The following ANKRD52 variants were observed in gnomAD, a reference collection of about 807,000 sequenced individuals.
The protein encoded by ANKRD52 is serine/threonine-protein phosphatase 6 regulatory ankyrin repeat subunit C.
A neutral mutation model predicts 116.0 loss-of-function variants in ANKRD52; 7 were observed. That is an observed-to-expected ratio of 0.06 (90% CI 0.03 to 0.11). The LOEUF (loss-of-function observed/expected upper bound fraction) is 0.11, where lower values mean the gene tolerates loss of function less well. ANKRD52 is among the 10% of genes least tolerant of loss of function. ANKRD52 has a pLI of 1.00. For synonymous variants in ANKRD52, 528 were observed against 578.1 expected (o/e 0.91, Z 1.24); for missense variants, 839 against 1,408.6 (o/e 0.60, Z 6.47).
At position 56,257,218 on chromosome 12, in the gene ANKRD52, T is replaced by C. The variant is rs1316936587; in HGVS notation, c.190+65A>G. ...AGCCGGGGAGAGCAATCCTTGAATA[T>C]CAAAAAAGACTCCTCCCCTCCCTTC... On this transcript the variant is annotated intron_variant, in intron 3 of 27. Coordinates refer to ENST00000267116, the MANE Select transcript of ANKRD52 (RefSeq NM_173595.4). 3 of 1,545,396 alleles carry C rather than the reference T, an allele frequency of 1.9e-6. No homozygotes were observed. In the East Asian group the frequency reaches 7.2e-5, roughly 37 times the overall value.
At position 56,253,998 on chromosome 12, in the gene ANKRD52, C is replaced by A; in HGVS notation, c.906+69G>T. The A allele has an allele frequency of 6.7e-7, 1 of 1,492,202 alleles. No individual in the cohort carries two copies. Among genetic ancestry groups the A allele is most frequent in the South Asian group, 1.2e-5 (1 of 84,848 alleles). The allele number at this position is 1,492,202 out of a possible 1,614,324, so 92.4% of individuals were successfully genotyped here. On this transcript the variant is annotated intron_variant, in intron 8 of 27. Transcript: ENST00000267116. This position sits in a 1 kb window ranked among gnomAD's most constrained non-coding sequence, Gnocchi z 5.5. Reference sequence around the variant, plus strand: ...TGGATAATTCCCCAAGAGAGCTATCCAGATACAGTCAGGACCCCTAGATCC... The same window carrying A: ...TGGATAATTCCCCAAGAGAGCTATCAAGATACAGTCAGGACCCCTAGATCC...
At chr12:56,247,899 G>A (rs1871493940) in intron 18 of ANKRD52, 124 bp downstream of exon 18, 1 of 1,358,354 alleles carries the variant, frequency 7.4e-7, no homozygotes, top group Admixed American at 2.0e-5. Context: ...CTGAGGATAG[G>A]AAGCTATGAA....
Position 56,245,486 on chromosome 12 carries a change from G to A in ANKRD52, c.2295C>T (p.Gly765=), listed in dbSNP as rs1416608510. Residue 765 remains glycine (G), a synonymous_variant, in exon 21 of 28, where the codon GGC becomes GGT. Transcript: ENST00000267116. ...GCAGGGTCCGCAGTACTGCAGTGTG[G>A]CCACAGGCTGAGGCCAGGTGAATGG... ...RTPIHLASAC[G]HTAVLRTLLQ... is the part of the protein sequence containing the mutation. The A allele has an allele frequency of 6.2e-7, 1 of 1,611,598 alleles. No homozygotes were observed. The highest frequency in any genetic ancestry group is 2.2e-5 in the East Asian group (1 of 44,884).
In ANKRD52 at chr12:56,239,008, A is replaced by T. The variant is rs1232790984; in HGVS notation, c.*4134T>A. The stretch of plus-strand genomic sequence containing the variant: ...AGATTCCCCAGGGAAAGGGCCTAGC[A>T]GGAGTGGGTGAGGGCCAAGGTGGAT... On this transcript the variant is annotated 3_prime_UTR_variant, in exon 28 of 28. Transcript: ENST00000267116. 6.6e-6 allele frequency: 1 copy of T among 152,312 alleles called. No individual in the cohort carries two copies. The highest frequency in any genetic ancestry group is 1.5e-5 in the Non-Finnish European group (1 of 68,104). The allele number at this position is 152,312 out of a possible 1,614,324, so 9.4% of individuals were successfully genotyped here.
At chr12:56,256,379 C>G (rs1871954237) in intron 4 of ANKRD52, among the ~76,000 whole-genome samples, 1 of 152,202 alleles carries the variant, frequency 6.6e-6, no homozygotes, top group Non-Finnish European at 1.5e-5. Context: ...CCTCTTTAGC[C>G]TTCTCATAGG....
chr12:56,253,688 G>A lies in ANKRD52; in HGVS notation c.985+34C>T, dbSNP rs773956218. On this transcript the variant is annotated intron_variant, in intron 9 of 27. Coordinates refer to ENST00000267116, the MANE Select transcript of ANKRD52 (RefSeq NM_173595.4). This position sits in a 1 kb window ranked among gnomAD's most constrained non-coding sequence, Gnocchi z 5.5. ...TAGAAATGAGTTCCTTGGGGGAGGA[G>A]GGGATGAGAGCACAAAGTCTCCCAG... is the stretch of plus-strand genomic sequence containing the variant. The A allele has an allele frequency of 4.4e-5, 71 of 1,599,512 alleles. No homozygotes were observed. The highest frequency in any genetic ancestry group is 5.9e-5 in the Non-Finnish European group (69 of 1,167,690).
chr12:56,255,188 AAACTCTTTTTTTTTTTTTTTTTGAG>A lies in ANKRD52; in HGVS notation c.463-261_463-237del. The A allele has an allele frequency of 2.3e-6, 1 of 435,356 alleles. No individual in the cohort carries two copies. Among genetic ancestry groups the A allele is most frequent in the Non-Finnish European group, 4.1e-6 (1 of 243,650 alleles). The allele number at this position is 435,356 out of a possible 1,614,324, so 27.0% of individuals were successfully genotyped here. ...CTCTTCAGGTGATCTGGTGGTTCTT[AAACTCTTTTTTTTTTTTTTTTTGAG>A]ACAGTCTCGCTCTGTTACCCAGGCT... On this transcript the variant is annotated intron_variant, in intron 5 of 27. Coordinates refer to ENST00000267116, the MANE Select transcript of ANKRD52 (RefSeq NM_173595.4). This position sits in a 1 kb window ranked among gnomAD's most constrained non-coding sequence, Gnocchi z 4.3.
Position 56,258,332 on chromosome 12 carries a change from A to T in ANKRD52, c.-63T>A. 6.7e-7 allele frequency: 1 copy of T among 1,496,732 alleles called. No homozygotes were observed. Among genetic ancestry groups the T allele is most frequent in the South Asian group, 1.3e-5 (1 of 78,386 alleles). The allele number at this position is 1,496,732 out of a possible 1,614,324, so 92.7% of individuals were successfully genotyped here. On this transcript the variant is annotated 5_prime_UTR_variant, in exon 1 of 28. Transcript: ENST00000267116. Reference sequence around the variant, plus strand: ...GGCGGCGGCGGCGGCTCCACCGGGGACACGGAGCGGCCCAGGCGGCGGCTG... The same window carrying T: ...GGCGGCGGCGGCGGCTCCACCGGGGTCACGGAGCGGCCCAGGCGGCGGCTG...
intron 20 of ANKRD52, 109 bp from the exon 21 acceptor site, chr12:56,245,705 TGTC>T (rs372208681): frequency 3.1e-5 from 26 of 834,338 alleles, no homozygotes; most frequent in Admixed American, 6.8e-5. Flanking sequence ...CTCCAATCCT[TGTC>T]TTTTTTTTTT....
In ANKRD52 at chr12:56,258,376, G is replaced by A. The variant is rs1280390304; in HGVS notation, c.-107C>T. Reference sequence around the variant, plus strand: ...GCGGCTGCGGTGGCGGCTGCAGGGAGAGCGCGGCCCCGCCTACCGGGGGGC... The same window carrying A: ...GCGGCTGCGGTGGCGGCTGCAGGGAAAGCGCGGCCCCGCCTACCGGGGGGC... On this transcript the variant is annotated 5_prime_UTR_variant, in exon 1 of 28. Coordinates refer to ENST00000267116, the MANE Select transcript of ANKRD52 (RefSeq NM_173595.4). 2 of 1,237,182 alleles carry A rather than the reference G, an allele frequency of 1.6e-6. No individual in the cohort carries two copies. The highest frequency in any genetic ancestry group is 3.2e-5 in the African/African-American group (2 of 62,884). 76.6% of individuals were successfully genotyped at this position (1,237,182 alleles called of 1,614,324 possible). A position where few individuals can be genotyped will look rare whatever the true frequency, so the allele number is the denominator to read the frequency against.
In ANKRD52 at chr12:56,254,469, C is replaced by T; in HGVS notation, c.693+109G>A. Reference sequence around the variant, plus strand: ...TTCAGACCCTCTCTACCACGTCCTTCCAACTTCCCAAAACTATACCAACAT... The same window carrying T: ...TTCAGACCCTCTCTACCACGTCCTTTCAACTTCCCAAAACTATACCAACAT... On this transcript the variant is annotated intron_variant, in intron 7 of 27. Transcript: ENST00000267116. This position sits in a 1 kb window ranked among gnomAD's most constrained non-coding sequence, Gnocchi z 4.6. 6.6e-7 allele frequency: 1 copy of T among 1,517,728 alleles called. No individual in the cohort carries two copies. Among genetic ancestry groups the T allele is most frequent in the Non-Finnish European group, 8.8e-7 (1 of 1,130,702 alleles). 94.0% of individuals were successfully genotyped at this position (1,517,728 alleles called of 1,614,324 possible).
chr12:56,257,364 G>T lies in ANKRD52; in HGVS notation c.112-3C>A. On this transcript the variant is annotated splice_polypyrimidine_tract_variant and splice_region_variant and intron_variant, in intron 2 of 27. Transcript: ENST00000267116. ...AATGGAGTTCGCCTCTCTTGGTCCTGGGAAGGCAAAAAAGAGCAGGGAGTA... is the reference window on the plus strand; with the variant it reads ...AATGGAGTTCGCCTCTCTTGGTCCTTGGAAGGCAAAAAAGAGCAGGGAGTA... The T allele has an allele frequency of 6.3e-7, 1 of 1,583,138 alleles. No homozygotes were observed. Among genetic ancestry groups the T allele is most frequent in the East Asian group, 2.3e-5 (1 of 43,336 alleles).
chr12:56,257,397 G>C, intron 2 of ANKRD52, 36 bp from the exon 3 acceptor site: 1 of 1,526,548 alleles, frequency 6.6e-7, no homozygotes, highest in Non-Finnish European at 8.9e-7. Flanking sequence ...GTATGGGCGC[G>C]GGGTAAGGGG....
chr12:56,251,852 T>C (rs978743777), intron 15 of ANKRD52, among the ~76,000 whole-genome samples, 163 bp downstream of exon 15: 6 of 152,030 alleles, frequency 3.9e-5, no homozygotes, highest in African/African-American at 1.4e-4. Context: ...CTTTTGTCTT[T>C]GCCCACTATG....
Position 56,248,905 on chromosome 12 carries a change from A to T in ANKRD52, c.1593-35T>A. ...CGGGGGTAGACTGTGAGGCAGGGAC[A>T]GGCCCAGCCCAGGAGGGCACAGTTC... On this transcript the variant is annotated intron_variant, in intron 15 of 27. Transcript: ENST00000267116. This position sits in a 1 kb window ranked among gnomAD's most constrained non-coding sequence, Gnocchi z 5.1. 2 of 1,487,562 alleles carry T rather than the reference A, an allele frequency of 1.3e-6. No homozygotes were observed. Among genetic ancestry groups the T allele is most frequent in the Non-Finnish European group, 1.8e-6 (2 of 1,093,996 alleles). The allele number at this position is 1,487,562 out of a possible 1,614,324, so 92.1% of individuals were successfully genotyped here. A position where few individuals can be genotyped will look rare whatever the true frequency, so the allele number is the denominator to read the frequency against.
intron 2 of ANKRD52, 141 bp from the exon 3 acceptor site, chr12:56,257,502 G>T (rs888321077): frequency 2.2e-5 from 18 of 818,546 alleles, no homozygotes; most frequent in Non-Finnish European, 3.5e-5. Flanking sequence ...CCGGTATTGG[G>T]AGTCAAAGGC....
At position 56,243,869 on chromosome 12, in the gene ANKRD52, G is replaced by A; in HGVS notation, c.2896C>T (p.His966Tyr). Residue 966 changes from histidine (H) to tyrosine (Y), a missense_variant, in exon 27 of 28, where the codon CAC becomes TAC. This residue lies in a region of ANKRD52 where 552 missense variants were observed against 810.6 expected (regional missense o/e 0.68). Coordinates refer to ENST00000267116, the MANE Select transcript of ANKRD52 (RefSeq NM_173595.4). The surrounding 1 kb of genome is among the most constrained non-coding windows in gnomAD (Gnocchi z 4.6). ...GCTAGACCATTCCGGGCAGCAATGTGGAGTGGCCTTGGAAAAAAGGAAAAA... is the reference window on the plus strand; with the variant it reads ...GCTAGACCATTCCGGGCAGCAATGTAGAGTGGCCTTGGAAAAAAGGAAAAA... ...ATNSALQMPL[H>Y]IAARNGLASV... 6.4e-7 allele frequency: 1 copy of A among 1,566,236 alleles called. No individual in the cohort carries two copies. The highest frequency in any genetic ancestry group is 8.7e-7 in the Non-Finnish European group (1 of 1,155,088).
rs931345983 is a variant in ANKRD52, at chr12:56,242,690, ACTG to A, written c.*449_*451del. The A allele has an allele frequency of 5.5e-6, 1 of 182,062 alleles. No homozygotes were observed. Among genetic ancestry groups the A allele is most frequent in the African/African-American group, 2.4e-5 (1 of 42,402 alleles). 11.3% of individuals were successfully genotyped at this position (182,062 alleles called of 1,614,324 possible). On this transcript the variant is annotated 3_prime_UTR_variant, in exon 28 of 28. Transcript: ENST00000267116. The surrounding 1 kb of genome is among the most constrained non-coding windows in gnomAD (Gnocchi z 4.3). The stretch of plus-strand genomic sequence containing the variant: ...ACAGTACCAGAAATTAAGGCTTCTC[ACTG>A]CTGCGGGGATGGAGGGACCGGCCGA...
Position 56,243,700 on chromosome 12 carries a change from G to C in ANKRD52, c.2980+85C>G, listed in dbSNP as rs1871268350. On this transcript the variant is annotated intron_variant, in intron 27 of 27. Coordinates refer to ENST00000267116, the MANE Select transcript of ANKRD52 (RefSeq NM_173595.4). The surrounding 1 kb of genome is among the most constrained non-coding windows in gnomAD (Gnocchi z 4.6). The stretch of plus-strand genomic sequence containing the variant: ...AGTTCCCTTGGGAAGAAAATCCCAT[G>C]TATAGCAAGATTAAGAAGTCACCTC... 7.3e-7 allele frequency: 1 copy of C among 1,365,430 alleles called. No individual in the cohort carries two copies. Among genetic ancestry groups the C allele is most frequent in the African/African-American group, 1.5e-5 (1 of 68,734 alleles). The allele number at this position is 1,365,430 out of a possible 1,614,324, so 84.6% of individuals were successfully genotyped here.
Sources: gnomAD v4.1 joint callset for allele counts (sites outside exome capture counted in the v4.1 genomes callset) on GRCh38, gnomAD v4.1.1 for gene constraint, gnomAD v4.1.1 regional missense constraint, Gnocchi (gnomAD v3.1) non-coding constraint, MANE v1.5 for transcripts, NCBI Gene and HGNC (gene_info 2026-07-23, HGNC 2026-07-21) for gene names.